The following TRAM1 variants were observed in gnomAD, a reference collection of about 807,000 sequenced individuals.
The protein encoded by TRAM1 is translocation associated membrane protein 1, also known as translocating chain-associated membrane protein 1.
Under a neutral mutation model 48.7 loss-of-function variants are expected in TRAM1, and 17 were observed. The ratio of observed to expected loss-of-function variants is 0.35; its 90% CI spans 0.24 to 0.52. The LOEUF (loss-of-function observed/expected upper bound fraction) is 0.52, where lower values mean the gene tolerates loss of function less well. TRAM1 is among the 20% of genes least tolerant of loss of function. TRAM1 has a pLI of 0.94. For missense variants in TRAM1, 351 were observed against 441.5 expected, an observed-to-expected ratio of 0.79 and a Z score of 1.84; for synonymous variants, 182 against 154.0, an observed-to-expected ratio of 1.18 and a Z score of -1.34.
chr8:70,593,126 A>G (rs1369600382), intron 6 of TRAM1, among the ~76,000 whole-genome samples: 2 of 152,176 alleles, frequency 1.3e-5, no homozygotes, highest in Non-Finnish European at 2.9e-5. Context: ...TGGAGAAACA[A>G]TCTACTTTAT....
chr8:70,599,705 A>G (rs1316226432), intron 2 of TRAM1, among the ~76,000 whole-genome samples: 1 of 152,264 alleles, frequency 6.6e-6, no homozygotes, highest in Non-Finnish European at 1.5e-5. Context: ...AATGACATTT[A>G]AACAATTTTA....
intron 9 of TRAM1, 30 bp downstream of exon 9, chr8:70,583,620 A>G (rs778044715): frequency 8.7e-6 from 14 of 1,601,952 alleles, no homozygotes; most frequent in Middle Eastern, 1.7e-4. Flanking sequence ...CTAGCTGTAT[A>G]AAGTGAAAAA....
rs1325399788 is a variant in TRAM1 at position 70,573,573 on chromosome 8, A to C, written c.*1359T>G. ...ACAGAGAGCTACTACTTTTTCCAGG[A>C]AGTAGGTTAACAGCTAGAAAGAAAA... On this transcript the variant is annotated 3_prime_UTR_variant, in exon 11 of 11. Coordinates refer to ENST00000262213, the MANE Select transcript of TRAM1 (RefSeq NM_014294.6). 1.3e-5 allele frequency: 2 copies of C among 152,602 alleles called. No homozygotes were observed. Among genetic ancestry groups the C allele is most frequent in the African/African-American group, 4.8e-5 (2 of 41,446 alleles). The allele number at this position is 152,602 out of a possible 1,614,324, so 9.5% of individuals were successfully genotyped here.
At chr8:70,607,986 G>C (rs1193549895) in intron 1 of TRAM1, 91 bp downstream of exon 1, 7 of 1,427,580 alleles carry the variant, frequency 4.9e-6, no homozygotes, top group Non-Finnish European at 3.7e-6. Context: ...AGCCCCCCGC[G>C]TCCTGGGCGG....
intron 6 of TRAM1, among the ~76,000 whole-genome samples, chr8:70,591,735 A>G (rs1817366900): frequency 6.6e-6 from 1 of 152,216 alleles, no homozygotes; most frequent in East Asian, 1.9e-4. Context: ...ACATCTTATA[A>G]TTAAATCTTT....
intron 6 of TRAM1, among the ~76,000 whole-genome samples, chr8:70,588,593 GA>G (rs952504743): frequency 8.1e-5 from 12 of 148,860 alleles, no homozygotes; most frequent in Non-Finnish European, 1.0e-4. Context: ...GTCTCAAAAA[GA>G]AAAAAAAAGA....
chr8:70,574,739 A>G lies in TRAM1; in HGVS notation c.*193T>C. 2.1e-6 allele frequency: 1 copy of G among 484,522 alleles called. No individual in the cohort carries two copies. 30.0% of individuals were successfully genotyped at this position (484,522 alleles called of 1,614,324 possible). A position where few individuals can be genotyped will look rare whatever the true frequency, so the allele number is the denominator to read the frequency against. On this transcript the variant is annotated 3_prime_UTR_variant, in exon 11 of 11. Transcript: ENST00000262213. ...TTTTGAAGGCAGGTAGCTTAGTCTA[A>G]GCTAAAATATTTTTTTCATTCATAG...
rs548985553 is a variant in TRAM1 at position 70,574,819 on chromosome 8, C to G, written c.*113G>C. ...AAAAATGCATGAAACCGTACAATAGCAAAAATCAAAGAGCACAGACTGTAT... is the reference window on the plus strand; with the variant it reads ...AAAAATGCATGAAACCGTACAATAGGAAAAATCAAAGAGCACAGACTGTAT... On this transcript the variant is annotated 3_prime_UTR_variant, in exon 11 of 11. Transcript: ENST00000262213. The G allele has an allele frequency of 4.0e-5, 31 of 777,170 alleles. No homozygotes were observed. Among genetic ancestry groups the G allele is most frequent in the Admixed American group, 3.0e-4 (10 of 33,554 alleles). The allele number at this position is 777,170 out of a possible 1,614,324, so 48.1% of individuals were successfully genotyped here.
chr8:70,594,620 T>G lies in TRAM1; in HGVS notation c.486-30A>C, dbSNP rs758102006. ...ACAACACAAGAAAATGAAGAGTACC[T>G]TTTAAAGCATAATTTTTTTAAAAAA... On this transcript the variant is annotated intron_variant, in intron 5 of 10. Transcript: ENST00000262213. 10 of 1,514,712 alleles carry G rather than the reference T, an allele frequency of 6.6e-6. No individual in the cohort carries two copies. The Admixed American group carries it at 1.5e-4, about 23-fold the overall frequency. 93.8% of individuals were successfully genotyped at this position (1,514,712 alleles called of 1,614,324 possible).
chr8:70,583,568 T>C, intron 9 of TRAM1, 82 bp downstream of exon 9: 1 of 1,522,692 alleles, frequency 6.6e-7, no homozygotes, highest in South Asian at 1.3e-5. Flanking sequence ...ATTCATCCTT[T>C]TTTAGATGAT....
Position 70,573,932 on chromosome 8 carries a change from C to T in TRAM1, c.*1000G>A, listed in dbSNP as rs1816879867. 1 of 161,214 alleles carries T rather than the reference C, an allele frequency of 6.2e-6. No homozygotes were observed. Among genetic ancestry groups the T allele is most frequent in the African/African-American group, 2.4e-5 (1 of 41,444 alleles). The allele number at this position is 161,214 out of a possible 1,614,324, so 10.0% of individuals were successfully genotyped here. On this transcript the variant is annotated 3_prime_UTR_variant, in exon 11 of 11. Transcript: ENST00000262213. ...TTCTCAATTAAAGATGGGACCAAAGCTATAGGTATAACATAAAGCACATTG... is the reference window on the plus strand; with the variant it reads ...TTCTCAATTAAAGATGGGACCAAAGTTATAGGTATAACATAAAGCACATTG...
In TRAM1 at chr8:70,583,762, C is replaced by A; in HGVS notation, c.778G>T (p.Gly260Ter). 1 of 1,571,444 alleles carries A rather than the reference C, an allele frequency of 6.4e-7. No homozygotes were observed. Among genetic ancestry groups the A allele is most frequent in the Non-Finnish European group, 8.6e-7 (1 of 1,164,602 alleles). The change falls in exon 9 of 11, where the codon GGA (glycine) becomes TGA (stop). Residue 260 changes from glycine (G) to a stop codon, truncating the protein, a stop_gained. Transcript: ENST00000262213. LOFTEE classifies it high-confidence loss of function. ...FSLWAVLFVL[G>*]RLLTLILSVL... ...GAAAGAATTAAAGTCAGAAGTCTTCCCAAAACAAAAAGAACTGCCCACAGA... is the reference window on the plus strand; with the variant it reads ...GAAAGAATTAAAGTCAGAAGTCTTCACAAAACAAAAAGAACTGCCCACAGA...
In TRAM1 at chr8:70,581,107, G is replaced by A. The variant is rs147437696; in HGVS notation, c.1051+2057C>T. On this transcript the variant is annotated intron_variant, in intron 10 of 10. Coordinates refer to ENST00000262213, the MANE Select transcript of TRAM1 (RefSeq NM_014294.6). ...TCATTATAGAATTCATATTAAAATG[G>A]CTGGGCAAGGCAGCATATGCCTGTA... is the stretch of plus-strand genomic sequence containing the variant. Among the ~76,000 whole-genome samples the A allele has an allele frequency of 1.7e-3, 254 of 152,278 alleles. 1 individual carries two copies. In the East Asian group the frequency reaches 0.035, roughly 21 times the overall value.
At chr8:70,584,286 G>A (rs1817155290) in intron 8 of TRAM1, among the ~76,000 whole-genome samples, 1 of 151,994 alleles carries the variant, frequency 6.6e-6, no homozygotes. Flanking sequence ...AATAATTTTG[G>A]AAAATGCTGG....
chr8:70,598,286 A>C (rs766250597), intron 2 of TRAM1, 31 bp from the exon 3 acceptor site: 52 of 1,578,186 alleles, frequency 3.3e-5, no homozygotes, highest in Non-Finnish European at 4.4e-5. Context: ...AAATACACAA[A>C]AATATACACA....
In TRAM1 at chr8:70,594,639, T is replaced by A. The variant is rs57799438; in HGVS notation, c.486-49A>T. 5,005 of 1,403,502 alleles carry A rather than the reference T, an allele frequency of 3.6e-3. 136 individuals carry two copies. In the African/African-American group the frequency reaches 0.067, roughly 19 times the overall value. 86.9% of individuals were successfully genotyped at this position (1,403,502 alleles called of 1,614,324 possible). A position where few individuals can be genotyped will look rare whatever the true frequency, so the allele number is the denominator to read the frequency against. ...AGTACCTTTTAAAGCATAATTTTTT[T>A]AAAAAAAAGTAAACAAATACTGGAA... On this transcript the variant is annotated intron_variant, in intron 5 of 10. Transcript: ENST00000262213.
chr8:70,580,204 A>T (rs557383913), intron 10 of TRAM1, among the ~76,000 whole-genome samples: 1 of 152,344 alleles, frequency 6.6e-6, no homozygotes, highest in African/African-American at 2.4e-5. Context: ...AGTTCATTCT[A>T]TGAAGCCAGT....
At chr8:70,580,749 CA>C (rs201859554) in intron 10 of TRAM1, among the ~76,000 whole-genome samples, 2,170 of 121,188 alleles carry the variant, frequency 0.018, 46 homozygotes, top group African/African-American at 0.057. Context: ...GATTGCCCAC[CA>C]AAAAAAAAAA....
At chr8:70,604,908 T>C (rs1245317907) in intron 1 of TRAM1, among the ~76,000 whole-genome samples, 2 of 152,214 alleles carry the variant, frequency 1.3e-5, no homozygotes, top group Non-Finnish European at 2.9e-5. Flanking sequence ...TTTTGACCAT[T>C]CAATTTTTCC....
Sources: gnomAD v4.1 joint callset for allele counts (sites outside exome capture counted in the v4.1 genomes callset) on GRCh38, gnomAD v4.1.1 for gene constraint, MANE v1.5 for transcripts, NCBI Gene and HGNC (gene_info 2026-07-23, HGNC 2026-07-21) for gene names.